Variants in THRB observed in about 807,000 individuals in gnomAD.
THRB encodes thyroid hormone receptor beta.
THRB carries 12 observed loss-of-function variants against 47.8 expected under a neutral mutation model. The ratio of observed to expected loss-of-function variants is 0.25; its 90% CI spans 0.16 to 0.41. The LOEUF (loss-of-function observed/expected upper bound fraction) is 0.41. Among genes scored for constraint, THRB ranks in the 10% least tolerant of loss-of-function variants. THRB has a pLI of 1.00. For missense variants in THRB, 348 were observed against 589.2 expected (o/e 0.59, Z 4.24); for synonymous variants, 218 against 212.2 (o/e 1.03, Z -0.24).
chr3:24,188,296 T>C (rs1428681341), intron 5 of THRB, among the ~76,000 whole-genome samples: 1 of 152,218 alleles, frequency 6.6e-6, no homozygotes, highest in Non-Finnish European at 1.5e-5. Context: ...ATAAGTCAGG[T>C]ACTTTGCTAA....
At chr3:24,262,701 A>G (rs1053241811) in intron 3 of THRB, among the ~76,000 whole-genome samples, 2 of 152,190 alleles carry the variant, frequency 1.3e-5, no homozygotes, top group Admixed American at 1.3e-4. Flanking sequence ...ATTTTGCCTA[A>G]TCACCCATTT....
In THRB at chr3:24,157,803, C is replaced by G. The variant is rs542313160; in HGVS notation, c.284-5313G>C. 2.0e-5 allele frequency among the ~76,000 whole-genome samples: 3 copies of G among 152,306 alleles called. No individual in the cohort carries two copies. The South Asian group carries it at 6.2e-4, about 32-fold the overall frequency. ...GTCTTGGCCTCCCAGAGTGTTGGGACTACAGGCATGAGCCACAGTGCTCAG... is the reference window on the plus strand; with the variant it reads ...GTCTTGGCCTCCCAGAGTGTTGGGAGTACAGGCATGAGCCACAGTGCTCAG... On this transcript the variant is annotated intron_variant, in intron 5 of 10. Transcript: ENST00000646209.
At chr3:24,200,414 T>C (rs2044454714) in intron 4 of THRB, among the ~76,000 whole-genome samples, 1 of 152,092 alleles carries the variant, frequency 6.6e-6, no homozygotes. Context: ...ACTTAAGATT[T>C]ATAATTTCTC....
intron 3 of THRB, chr3:24,238,147 C>A (rs1461232204): frequency 6.6e-6 from 1 of 151,932 alleles, no homozygotes; most frequent in Non-Finnish European, 1.5e-5. Context: ...CGTCTGACAG[C>A]AGGAAAAACA....
intron 2 of THRB, among the ~76,000 whole-genome samples, chr3:24,320,030 G>A (rs370816097): frequency 3.3e-5 from 5 of 152,216 alleles, no homozygotes; most frequent in African/African-American, 1.2e-4. Flanking sequence ...TATTATGGGA[G>A]TCTAGCAACA....
chr3:24,167,062 T>G (rs1379841035), intron 5 of THRB, among the ~76,000 whole-genome samples: 4 of 152,154 alleles, frequency 2.6e-5, no homozygotes, highest in African/African-American at 9.7e-5. Context: ...TACAGTCAAG[T>G]GGACCACCAT....
chr3:24,247,446 T>C (rs2150324824), intron 3 of THRB, among the ~76,000 whole-genome samples: 2 of 152,308 alleles, frequency 1.3e-5, no homozygotes, highest in Admixed American at 1.3e-4. Flanking sequence ...ATCCACATTT[T>C]ACAGTTGGGG....
intron 10 of THRB, 73 bp downstream of exon 10, chr3:24,127,426 T>C: frequency 6.5e-7 from 1 of 1,533,814 alleles, no homozygotes; most frequent in Non-Finnish European, 9.0e-7. Flanking sequence ...GACTGAAAAC[T>C]CAAGTGATTG....
rs2033058498 is a variant in THRB, at chr3:24,127,391, A to C, written c.1144+108T>G. 5.9e-6 allele frequency: 7 copies of C among 1,188,054 alleles called. No homozygotes were observed. The South Asian group carries it at 7.8e-5, about 13-fold the overall frequency. The allele number at this position is 1,188,054 out of a possible 1,614,324, so 73.6% of individuals were successfully genotyped here. Reference sequence around the variant, plus strand: ...TGCAATTTCTTACTGAAGAAGAGTGAGCTATGTTTCTGAAGCTAAAGGGGG... The same window carrying C: ...TGCAATTTCTTACTGAAGAAGAGTGCGCTATGTTTCTGAAGCTAAAGGGGG... On this transcript the variant is annotated intron_variant, in intron 10 of 10. Coordinates refer to ENST00000646209, the MANE Select transcript of THRB (RefSeq NM_001354712.2).
At chr3:24,377,376 C>T (rs1479135938) in intron 1 of THRB, among the ~76,000 whole-genome samples, 1 of 152,076 alleles carries the variant, frequency 6.6e-6, no homozygotes, top group Non-Finnish European at 1.5e-5. Context: ...CCAAGTTGGG[C>T]CAGTGACTGT....
chr3:24,299,249 TAAAAAA>T (rs36061929), intron 2 of THRB, among the ~76,000 whole-genome samples: 1 of 70,184 alleles, frequency 1.4e-5, no homozygotes, highest in African/African-American at 6.2e-5. Context: ...CTCAGTCTCA[TAAAAAA>T]AAAAAAAAAA....
chr3:24,237,080 T>C (rs887098928), intron 3 of THRB, among the ~76,000 whole-genome samples: 4 of 152,146 alleles, frequency 2.6e-5, no homozygotes, highest in Admixed American at 6.5e-5. Flanking sequence ...GGCATGAGCC[T>C]AAAGAGGAAC....
intron 3 of THRB, among the ~76,000 whole-genome samples, chr3:24,233,595 G>GAAAGAAAGAAAAAGAAAAAT (rs1418899087): frequency 7.0e-6 from 1 of 143,854 alleles, no homozygotes; most frequent in Non-Finnish European, 1.5e-5. Flanking sequence ...AAGAAAGAAA[G>GAAAGAAAGAAAAAGAAAAAT]AAAGAAAGAA....
At chr3:24,277,567 A>G (rs1036689819) in intron 3 of THRB, among the ~76,000 whole-genome samples, 9 of 152,260 alleles carry the variant, frequency 5.9e-5, no homozygotes, top group East Asian at 3.9e-4. Flanking sequence ...TGACTGGTCT[A>G]TATAACTATA....
intron 1 of THRB, among the ~76,000 whole-genome samples, chr3:24,470,916 C>G (rs1303526625): frequency 2.0e-5 from 3 of 152,196 alleles, no homozygotes; most frequent in Admixed American, 2.0e-4. Context: ...CACACCCGGC[C>G]AAGACTTTTA....
intron 1 of THRB, among the ~76,000 whole-genome samples, chr3:24,468,664 T>C (rs2074332288): frequency 6.6e-6 from 1 of 152,196 alleles, no homozygotes; most frequent in Non-Finnish European, 1.5e-5. Context: ...AGGTTGGCCA[T>C]CTTGTATGGG....
chr3:24,315,721 A>T (rs1467471911), intron 2 of THRB, among the ~76,000 whole-genome samples: 2 of 152,216 alleles, frequency 1.3e-5, no homozygotes, highest in African/African-American at 4.8e-5. Context: ...ATACCCTGTT[A>T]CGATTAGAAC....
At chr3:24,288,036 T>C (rs1343434087) in intron 3 of THRB, among the ~76,000 whole-genome samples, 1 of 152,242 alleles carries the variant, frequency 6.6e-6, no homozygotes. Flanking sequence ...TCTGATTTGG[T>C]ACATTAACAC....
chr3:24,482,794 C>T (rs1053095606), intron 1 of THRB, among the ~76,000 whole-genome samples: 1 of 152,094 alleles, frequency 6.6e-6, no homozygotes, highest in African/African-American at 2.4e-5. Flanking sequence ...TATTTCTCAC[C>T]TATTATGGAA....
Sources: allele counts gnomAD v4.1 joint callset (sites outside exome capture counted in the v4.1 genomes callset), GRCh38; gene constraint gnomAD v4.1.1; transcripts MANE v1.5; gene names NCBI Gene and HGNC (gene_info 2026-07-23, HGNC 2026-07-21).